The following MBNL3 variants were observed in gnomAD, a reference collection of about 807,000 sequenced individuals.
MBNL3 encodes the protein muscleblind like splicing regulator 3.
MBNL3 carries 6 observed loss-of-function variants against 24.5 expected under a neutral mutation model. The observed-to-expected ratio is 0.25, with a 90% CI of 0.13 to 0.48. The LOEUF is 0.48. MBNL3 is among the 20% of genes least tolerant of loss of function. The probability of loss-of-function intolerance (pLI) is 0.99; values close to 1 mark genes in which losing one functional copy is unlikely to be tolerated. For synonymous variants in MBNL3, 100 were observed against 101.7 expected (o/e 0.98, Z 0.10); for missense variants, 230 against 293.5 (o/e 0.78, Z 1.58).
intron 5 of MBNL3, among the ~76,000 whole-genome samples, chrX:132,388,733 GTC>G (rs987958685): frequency 5.4e-5 from 6 of 110,687 alleles, no homozygotes; most frequent in African/African-American, 1.6e-4. Context: ...AACCCTTTAT[GTC>G]TCTCTCTTTT....
chrX:132,436,225 A>G (rs1300483771), intron 2 of MBNL3, among the ~76,000 whole-genome samples: 2 of 111,958 alleles, frequency 1.8e-5, no homozygotes, highest in Non-Finnish European at 3.8e-5. Flanking sequence ...AGACCATTCT[A>G]TGTAGCTGGA....
Position 132,378,058 on chromosome X carries a change from T to A in MBNL3, c.*1608A>T, listed in dbSNP as rs1465505341. On this transcript the variant is annotated 3_prime_UTR_variant, in exon 9 of 9. Coordinates refer to ENST00000370853, the MANE Select transcript of MBNL3 (RefSeq NM_001386889.1). Reference sequence around the variant, plus strand: ...AGCTCTGTGGAGTATAGCCACTCTGTCTCATTCAAAGGGTGATAAAACCCT... The same window carrying A: ...AGCTCTGTGGAGTATAGCCACTCTGACTCATTCAAAGGGTGATAAAACCCT... The A allele has an allele frequency of 9.1e-6, 1 of 110,110 alleles. No homozygotes were observed. Among genetic ancestry groups the A allele is most frequent in the Non-Finnish European group, 1.9e-5 (1 of 52,733 alleles). 9.1% of individuals were successfully genotyped at this position (110,110 alleles called of 1,213,427 possible).
At chrX:132,444,004 C>A (rs1213479861) in intron 1 of MBNL3, among the ~76,000 whole-genome samples, 2 of 39,034 alleles carry the variant, frequency 5.1e-5, no homozygotes, top group Non-Finnish European at 1.2e-4. Context: ...CCCCCCCCCC[C>A]CACCTACTTA....
At chrX:132,487,180 T>G (rs1948054014) in intron 1 of MBNL3, among the ~76,000 whole-genome samples, 1 of 110,568 alleles carries the variant, frequency 9.0e-6, no homozygotes, top group Non-Finnish European at 1.9e-5. Context: ...AAGGATGCAT[T>G]TGGTCCGAAG....
intron 1 of MBNL3, among the ~76,000 whole-genome samples, chrX:132,473,490 T>C (rs944307972): frequency 1.8e-5 from 2 of 112,285 alleles, no homozygotes; most frequent in Non-Finnish European, 3.8e-5. Flanking sequence ...AAGATGCCGT[T>C]AATCTACTTT....
chrX:132,369,719 A>C lies in MBNL3; in HGVS notation c.*9947T>G, dbSNP rs1340480328. On this transcript the variant is annotated 3_prime_UTR_variant, in exon 9 of 9. Transcript: ENST00000370853. ...TCCAGTTACACTATGATTTTTTAAA[A>C]ATAAATCTTTCCTTGTACTTGTACA... The C allele has an allele frequency of 2.7e-5, 3 of 111,870 alleles. No individual in the cohort carries two copies. Among genetic ancestry groups the C allele is most frequent in the African/African-American group, 9.8e-5 (3 of 30,669 alleles). The allele number at this position is 111,870 out of a possible 1,213,427, so 9.2% of individuals were successfully genotyped here.
At chrX:132,412,665 A>G (rs369244982) in intron 2 of MBNL3, among the ~76,000 whole-genome samples, 2 of 112,577 alleles carry the variant, frequency 1.8e-5, no homozygotes, top group East Asian at 5.6e-4. Flanking sequence ...TCACAGTGAA[A>G]GCAAGCCTGC....
At chrX:132,441,051 C>T (rs1346663986) in intron 1 of MBNL3, among the ~76,000 whole-genome samples, 1 of 112,168 alleles carries the variant, frequency 8.9e-6, no homozygotes, top group Non-Finnish European at 1.9e-5. Context: ...TAAGTATCAC[C>T]TGACTTTTCA....
Position 132,392,164 on chromosome X carries a change from C to A in MBNL3, c.513G>T (p.Leu171=). ...LAMPGAVGPK[L]MRSDKLEVCR... The stretch of plus-strand genomic sequence containing the variant: ...ATACCTCCAGTTTATCTGAACGCAT[C>A]AGTTTTGGGCCAACAGCTCCTGGCA... Residue 171 remains leucine (L), a synonymous_variant, in exon 4 of 9, where the codon CTG becomes CTT. Transcript: ENST00000370853. The A allele has an allele frequency of 7.5e-6, 9 of 1,204,248 alleles. No individual in the cohort carries two copies. The highest frequency in any genetic ancestry group is 1.0e-5 in the Non-Finnish European group (9 of 892,463).
intron 3 of MBNL3, among the ~76,000 whole-genome samples, chrX:132,403,948 T>C (rs914622512): frequency 1.8e-5 from 2 of 111,582 alleles, no homozygotes; most frequent in African/African-American, 6.5e-5. Flanking sequence ...CTGAGAGTAA[T>C]AATTGTGAGT....
rs767576661 is a variant in MBNL3 at position 132,382,071 on chromosome X, T to C, written c.1053+107A>G. On this transcript the variant is annotated intron_variant, in intron 8 of 8. Transcript: ENST00000370853. ...AAAATAAAAATTCTAAATGTGACAATGGCTTAAGAAACACATAAGAATCTC... is the reference window on the plus strand; with the variant it reads ...AAAATAAAAATTCTAAATGTGACAACGGCTTAAGAAACACATAAGAATCTC... 13 of 656,115 alleles carry C rather than the reference T, an allele frequency of 2.0e-5. No homozygotes were observed. In the East Asian group the frequency reaches 4.0e-4, roughly 20 times the overall value. The allele number at this position is 656,115 out of a possible 1,213,427, so 54.1% of individuals were successfully genotyped here.
chrX:132,438,947 T>A (rs1188654031), intron 2 of MBNL3, among the ~76,000 whole-genome samples: 1 of 109,547 alleles, frequency 9.1e-6, no homozygotes, highest in Admixed American at 9.9e-5. Flanking sequence ...GGAACCCTTA[T>A]ACTCCCTCAG....
intron 2 of MBNL3, among the ~76,000 whole-genome samples, chrX:132,415,866 A>G (rs1313153477): frequency 8.9e-6 from 1 of 111,791 alleles, no homozygotes; most frequent in East Asian, 2.8e-4. Flanking sequence ...TAGGGAAAAT[A>G]TACATTTCAT....
At chrX:132,415,193 C>A (rs968901951) in intron 2 of MBNL3, among the ~76,000 whole-genome samples, 1 of 111,961 alleles carries the variant, frequency 8.9e-6, no homozygotes, top group Non-Finnish European at 1.9e-5. Context: ...TTTCGCTGTA[C>A]TGAAACCTGG....
At chrX:132,393,682 T>C in intron 3 of MBNL3, among the ~76,000 whole-genome samples, 1 of 111,683 alleles carries the variant, frequency 9.0e-6, no homozygotes. Flanking sequence ...ATGTAGTATA[T>C]TTCTAATAAT....
At chrX:132,438,001 C>T (rs1247086410) in intron 2 of MBNL3, 4 of 326,129 alleles carry the variant, frequency 1.2e-5, no homozygotes, top group Non-Finnish European at 1.6e-5. Context: ...AAAAGTAACC[C>T]TTTAAGTACT....
At chrX:132,427,276 G>C (rs1047105781) in intron 2 of MBNL3, among the ~76,000 whole-genome samples, 11 of 111,560 alleles carry the variant, frequency 9.9e-5, no homozygotes, top group African/African-American at 3.3e-4. Flanking sequence ...TCCTACAGTG[G>C]GGTACTGGGA....
chrX:132,398,321 A>G lies in MBNL3; in HGVS notation c.343-5987T>C, dbSNP rs749780614. Among the ~76,000 whole-genome samples, 3 of 111,756 alleles carry G rather than the reference A, an allele frequency of 2.7e-5. No individual in the cohort carries two copies. The East Asian group carries it at 8.4e-4, about 31-fold the overall frequency. On this transcript the variant is annotated intron_variant, in intron 3 of 8. Coordinates refer to ENST00000370853, the MANE Select transcript of MBNL3 (RefSeq NM_001386889.1). ...AGATCAGCACATCACCTAGGAAGAG[A>G]GCAAATGATTGACACTTATAAGCAG...
chrX:132,463,326 G>T (rs1035223285), intron 1 of MBNL3, among the ~76,000 whole-genome samples: 2 of 111,444 alleles, frequency 1.8e-5, no homozygotes, highest in Non-Finnish European at 3.8e-5. Context: ...GTTGGGCATG[G>T]TGGCTCACGC....
Sources: allele counts gnomAD v4.1 joint callset (sites outside exome capture counted in the v4.1 genomes callset), GRCh38; gene constraint gnomAD v4.1.1; transcripts MANE v1.5; gene names NCBI Gene and HGNC (gene_info 2026-07-23, HGNC 2026-07-21).